LRPPRC: variants seen among roughly 807,000 people sequenced by gnomAD.
The protein encoded by LRPPRC is leucine rich pentatricopeptide repeat containing.
A neutral mutation model predicts 180.3 loss-of-function variants in LRPPRC; 120 were observed. That is an observed-to-expected ratio of 0.67 (90% CI 0.57 to 0.77). The LOEUF (loss-of-function observed/expected upper bound fraction) is 0.77, where lower values mean the gene tolerates loss of function less well. LRPPRC is among the 30% of genes least tolerant of loss of function. The probability of loss-of-function intolerance (pLI) is 0.00; values close to 1 mark genes in which losing one functional copy is unlikely to be tolerated. For missense variants in LRPPRC, 2,012 were observed against 1,657.2 expected, an observed-to-expected ratio of 1.21 and a Z score of -3.72; for synonymous variants, 723 against 600.0, an observed-to-expected ratio of 1.21 and a Z score of -3.00.
intron 29 of LRPPRC, among the ~76,000 whole-genome samples, chr2:43,915,222 TCTCTCTCTCTCACACACA>T (rs1558929927): frequency 4.7e-5 from 5 of 106,032 alleles, no homozygotes; most frequent in African/African-American, 1.3e-4. Flanking sequence ...TCTCTCTCTC[TCTCTCTCTCTCACACACA>T]CACACACACA....
At chr2:43,989,582 T>C (rs1414182580) in intron 1 of LRPPRC, among the ~76,000 whole-genome samples, 1 of 152,250 alleles carries the variant, frequency 6.6e-6, no homozygotes, top group Non-Finnish European at 1.5e-5. Context: ...GTTTATATCA[T>C]ATATTGCCTT....
At chr2:43,897,280 A>G (rs1350719986) in intron 34 of LRPPRC, among the ~76,000 whole-genome samples, 1 of 150,890 alleles carries the variant, frequency 6.6e-6, no homozygotes, top group Non-Finnish European at 1.5e-5. Context: ...AGTTAAACTA[A>G]AAAAAAAAGT....
rs950588503 is a variant in LRPPRC, at chr2:43,959,294, C to T, written c.1582+1247G>A. ...GCCAGCAATAATACTCAATATTTGACTCAAATAACTACAACAGTCACCATT... is the reference window on the plus strand; with the variant it reads ...GCCAGCAATAATACTCAATATTTGATTCAAATAACTACAACAGTCACCATT... On this transcript the variant is annotated intron_variant, in intron 13 of 37. Coordinates refer to ENST00000260665, the MANE Select transcript of LRPPRC (RefSeq NM_133259.4). 7.2e-6 allele frequency: 5 copies of T among 692,050 alleles called. 1 individual carries two copies. The South Asian group carries it at 7.8e-5, about 11-fold the overall frequency. The allele number at this position is 692,050 out of a possible 1,614,324, so 42.9% of individuals were successfully genotyped here. A position where few individuals can be genotyped will look rare whatever the true frequency, so the allele number is the denominator to read the frequency against.
intron 31 of LRPPRC, chr2:43,902,684 AG>A (rs1670930433): frequency 6.6e-6 from 1 of 152,204 alleles, no homozygotes; most frequent in South Asian, 2.1e-4. Context: ...ATGCACATAT[AG>A]GAAACAAAAA....
intron 25 of LRPPRC, among the ~76,000 whole-genome samples, chr2:43,933,366 G>T (rs1230898679): frequency 1.3e-5 from 2 of 152,116 alleles, no homozygotes; most frequent in East Asian, 3.8e-4. Context: ...TTTGCATCCT[G>T]TCCCCTGTAT....
chr2:43,969,248 T>C (rs185895490), intron 11 of LRPPRC, among the ~76,000 whole-genome samples: 1,732 of 152,052 alleles, frequency 0.011, 33 homozygotes, highest in African/African-American at 0.04. Flanking sequence ...CCGTCTCTAC[T>C]AAAAATACAA....
At position 43,962,867 on chromosome 2, in the gene LRPPRC, G is replaced by C. The variant is rs891806783; in HGVS notation, c.1488+721C>G. Among the ~76,000 whole-genome samples the C allele has an allele frequency of 2.6e-4, 40 of 152,152 alleles. 1 individual carries two copies. Among genetic ancestry groups the C allele is most frequent in the African/African-American group, 8.9e-4 (37 of 41,418 alleles). ...TGTGCCTATAATCCCAGCTACTCAG[G>C]AGGCTAAGACAGGAGGATTGCTTAA... On this transcript the variant is annotated intron_variant, in intron 12 of 37. Transcript: ENST00000260665.
At chr2:43,896,030 A>G (rs1670667014) in intron 35 of LRPPRC, among the ~76,000 whole-genome samples, 2 of 152,078 alleles carry the variant, frequency 1.3e-5, no homozygotes, top group South Asian at 2.1e-4. Flanking sequence ...TTGTGGCTCC[A>G]TATCAATTTG....
chr2:43,960,508 C>A (rs1391546168), intron 13 of LRPPRC, 33 bp downstream of exon 13: 1 of 1,113,040 alleles, frequency 9.0e-7, no homozygotes, highest in South Asian at 1.2e-5. Context: ...AAATAAACAT[C>A]TATCAAGTTT....
At chr2:43,897,240 C>T (rs1670718386) in intron 34 of LRPPRC, among the ~76,000 whole-genome samples, 1 of 152,088 alleles carries the variant, frequency 6.6e-6, no homozygotes, top group Admixed American at 6.5e-5. Flanking sequence ...TTCACTGCAA[C>T]AGACAGCCAG....
At chr2:43,979,378 AAT>A (rs978808217) in intron 3 of LRPPRC, among the ~76,000 whole-genome samples, 1 of 152,178 alleles carries the variant, frequency 6.6e-6, no homozygotes, top group Non-Finnish European at 1.5e-5. Flanking sequence ...GTTACACAGT[AAT>A]CTATTTTACG....
chr2:43,988,777 T>G (rs1185734903), intron 1 of LRPPRC, among the ~76,000 whole-genome samples: 1 of 152,018 alleles, frequency 6.6e-6, no homozygotes, highest in Non-Finnish European at 1.5e-5. Context: ...TCTCCTGACC[T>G]CGTGATCCGC....
At chr2:43,985,947 T>C (rs542615183) in intron 1 of LRPPRC, among the ~76,000 whole-genome samples, 17 of 152,342 alleles carry the variant, frequency 1.1e-4, no homozygotes, top group Admixed American at 8.5e-4. Flanking sequence ...TGAGAGTTCC[T>C]GTTGTCCTAC....
chr2:43,971,629 T>C (rs888123068), intron 11 of LRPPRC, among the ~76,000 whole-genome samples: 1 of 143,228 alleles, frequency 7.0e-6, no homozygotes, highest in African/African-American at 2.8e-5. Flanking sequence ...AAGAGATGTA[T>C]TTATTCCTCA....
chr2:43,965,351 G>A (rs536296924), intron 11 of LRPPRC, among the ~76,000 whole-genome samples: 67 of 152,164 alleles, frequency 4.4e-4, no homozygotes, highest in African/African-American at 1.3e-3. Context: ...GAGCCACCAC[G>A]CCCAGCCTGG....
chr2:43,894,893 T>C (rs1670625594), intron 35 of LRPPRC, among the ~76,000 whole-genome samples: 1 of 152,202 alleles, frequency 6.6e-6, no homozygotes, highest in Non-Finnish European at 1.5e-5. Context: ...ATAAACACAT[T>C]GCTTCTTTTG....
In LRPPRC at chr2:43,973,886, T is replaced by A. The variant is rs952939112; in HGVS notation, c.1170A>T (p.Leu390=). The A allele has an allele frequency of 2.5e-6, 4 of 1,603,490 alleles. No individual in the cohort carries two copies. The highest frequency in any genetic ancestry group is 3.4e-6 in the Non-Finnish European group (4 of 1,170,520). ...CCTTTAACTTCTTACAGTAGTCTGT[T>A]AGCTTCTCCACAGGCTGTGGGAAAA... The part of the protein sequence containing the change: ...CVTMNTPVEK[L]TDYCKKLKEV... Residue 390 remains leucine, a synonymous_variant, in exon 10 of 38, where the codon CTA becomes CTT. Transcript: ENST00000260665.
rs1670814169 is a variant in LRPPRC, at chr2:43,899,569, A to G, written c.3606T>C (p.Asn1202=). 1 of 1,609,804 alleles carries G rather than the reference A, an allele frequency of 6.2e-7. No homozygotes were observed. The highest frequency in any genetic ancestry group is 1.7e-5 in the Admixed American group (1 of 59,988). ...TGACTTTATTCTCTGAAGTAAGCAT[A>G]TTTTCAATGTTTTCTATTGCGGCAT... ...NIDAAIENIE[N]MLTSENKVIE... is the part of the protein sequence containing the mutation. The change falls in exon 33 of 38, where the codon AAT becomes AAC. Residue 1202 remains asparagine (N), a synonymous_variant. Coordinates refer to ENST00000260665, the MANE Select transcript of LRPPRC (RefSeq NM_133259.4).
chr2:43,975,291 G>T, intron 6 of LRPPRC, 74 bp from the exon 7 acceptor site: 2 of 1,271,054 alleles, frequency 1.6e-6, no homozygotes, highest in African/African-American at 1.5e-5. Context: ...TAAAACATAT[G>T]CTTATTAAAA....
Sources: allele counts gnomAD v4.1 joint callset (sites outside exome capture counted in the v4.1 genomes callset), GRCh38; gene constraint gnomAD v4.1.1; transcripts MANE v1.5; gene names NCBI Gene and HGNC (gene_info 2026-07-23, HGNC 2026-07-21).